NELFCD: variants seen among roughly 807,000 people sequenced by gnomAD.
The protein encoded by NELFCD is negative elongation factor complex member C/D.
Under a neutral mutation model 72.9 loss-of-function variants are expected in NELFCD, and 48 were observed. The observed-to-expected ratio is 0.66, with a 90% CI of 0.52 to 0.84. The LOEUF is 0.84. Ranked by LOEUF, NELFCD falls within the 40% of genes least tolerant of loss-of-function variation. The probability of loss-of-function intolerance (pLI) is 0.00; values close to 1 mark genes in which losing one functional copy is unlikely to be tolerated. For missense variants in NELFCD, 538 were observed against 723.8 expected, an observed-to-expected ratio of 0.74 and a Z score of 2.94; for synonymous variants, 297 against 280.6, an observed-to-expected ratio of 1.06 and a Z score of -0.59.
chr20:58,994,567 A>G (rs1327947382), intron 14 of NELFCD, 75 bp from the exon 15 acceptor site: 3 of 1,204,024 alleles, frequency 2.5e-6, no homozygotes, highest in Non-Finnish European at 3.5e-6. Context: ...CATCTCAAAA[A>G]AAAAAAAAAA....
Position 58,983,435 on chromosome 20 carries a change from C to CT in NELFCD, c.60+2084dup, listed in dbSNP as rs1280267450. Reference sequence around the variant, plus strand: ...ACAGGCGTGAGCCACCGCACCCGGCCTTTTTTTTTTTTTTTTTTCTTTGAG... The same window carrying CT: ...ACAGGCGTGAGCCACCGCACCCGGCCTTTTTTTTTTTTTTTTTTTCTTTGAG... On this transcript the variant is annotated intron_variant, in intron 1 of 14. Coordinates refer to ENST00000652272, the MANE Select transcript of NELFCD (RefSeq NM_198976.4). Among the ~76,000 whole-genome samples the CT allele has an allele frequency of 3.5e-3, 452 of 128,898 alleles. 5 individuals carry two copies. Among genetic ancestry groups the CT allele is most frequent in the Middle Eastern group, 0.01 (2 of 194 alleles). 84.6% of individuals were successfully genotyped at this position (128,898 alleles called of 152,430 possible).
intron 1 of NELFCD, among the ~76,000 whole-genome samples, chr20:58,982,541 A>C (rs1484084441): frequency 6.6e-6 from 1 of 152,198 alleles, no homozygotes; most frequent in Non-Finnish European, 1.5e-5. Flanking sequence ...TAAAGGATGA[A>C]GTGGGGCTTA....
Position 58,986,013 on chromosome 20 carries a change from C to T in NELFCD, c.61-80C>T. Reference sequence around the variant, plus strand: ...GTGTGTAGAATACTTTCAAAATGGGCAGCATTATACGATTTAAGGTGAGAT... The same window carrying T: ...GTGTGTAGAATACTTTCAAAATGGGTAGCATTATACGATTTAAGGTGAGAT... On this transcript the variant is annotated intron_variant, in intron 1 of 14. Transcript: ENST00000652272. The surrounding 1 kb of genome is among the most constrained non-coding windows in gnomAD (Gnocchi z 4.4). The T allele has an allele frequency of 1.1e-6, 1 of 909,648 alleles. No individual in the cohort carries two copies. Among genetic ancestry groups the T allele is most frequent in the South Asian group, 1.3e-5 (1 of 75,530 alleles). The allele number at this position is 909,648 out of a possible 1,614,324, so 56.3% of individuals were successfully genotyped here. A position where few individuals can be genotyped will look rare whatever the true frequency, so the allele number is the denominator to read the frequency against.
intron 1 of NELFCD, 146 bp from the exon 2 acceptor site, chr20:58,985,947 G>T: frequency 1.5e-6 from 1 of 648,970 alleles, no homozygotes; most frequent in Admixed American, 2.3e-5. Context: ...TATCTGTCCA[G>T]CCCATTTCAT....
Position 58,994,779 on chromosome 20 carries a change from G to C in NELFCD, c.*103G>C, listed in dbSNP as rs1355625222. ...GAGGCTCGGGCAGCGTCTTGAAAAT[G>C]GGCACCGCTGGGAGGAGGTGGATGA... On this transcript the variant is annotated 3_prime_UTR_variant, in exon 15 of 15. Coordinates refer to ENST00000652272, the MANE Select transcript of NELFCD (RefSeq NM_198976.4). The C allele has an allele frequency of 1.9e-5, 17 of 903,736 alleles. No homozygotes were observed. The highest frequency in any genetic ancestry group is 2.9e-5 in the Non-Finnish European group (16 of 552,174). The allele number at this position is 903,736 out of a possible 1,614,324, so 56.0% of individuals were successfully genotyped here. A position where few individuals can be genotyped will look rare whatever the true frequency, so the allele number is the denominator to read the frequency against.
rs1487129751 is a variant in NELFCD at position 58,991,376 on chromosome 20, A to G, written c.1019A>G (p.Asn340Ser). 6.2e-7 allele frequency: 1 copy of G among 1,614,280 alleles called. No homozygotes were observed. The highest frequency in any genetic ancestry group is 1.1e-5 in the South Asian group (1 of 91,088). ...CTCTTTAAACCAGGGGCTCGGATCA[A>G]CCAGGACCACAAGCACAAATACATC... ...QSLFKPGARI[N>S]QDHKHKYIHI... The change falls in exon 9 of 15, where the codon AAC becomes AGC. Residue 340 changes from asparagine (N) to serine (S), a missense_variant. Physicochemically the swap from Asn to Ser is conservative, Grantham distance 46. Coordinates refer to ENST00000652272, the MANE Select transcript of NELFCD (RefSeq NM_198976.4).
In NELFCD at chr20:58,986,470, G is replaced by C. The variant is rs163780; in HGVS notation, c.176+262G>C. The C allele has an allele frequency of 0.63, 345,208 of 544,982 alleles. 110,496 individuals are homozygous for C. Among genetic ancestry groups the C allele is most frequent in the East Asian group, 0.81 (24,740 of 30,730 alleles). 33.8% of individuals were successfully genotyped at this position (544,982 alleles called of 1,614,324 possible). On this transcript the variant is annotated intron_variant, in intron 2 of 14. Coordinates refer to ENST00000652272, the MANE Select transcript of NELFCD (RefSeq NM_198976.4). The surrounding 1 kb of genome is among the most constrained non-coding windows in gnomAD (Gnocchi z 4.4). ...AGTTCTCCCACCTCAGCCTTGCAAG[G>C]TGGCCACCACAGGCGTCTGCCATCA... is the stretch of plus-strand genomic sequence containing the variant.
At chr20:58,991,260 G>A in intron 8 of NELFCD, 52 bp from the exon 9 acceptor site, 1 of 1,610,730 alleles carries the variant, frequency 6.2e-7, no homozygotes, top group Non-Finnish European at 8.5e-7. Flanking sequence ...GGAGGTGGGT[G>A]AGCAGTGCCC....
At position 58,994,638 on chromosome 20, in the gene NELFCD, A is replaced by G; in HGVS notation, c.1712-4A>G. On this transcript the variant is annotated splice_region_variant and splice_polypyrimidine_tract_variant and intron_variant, in intron 14 of 14. Transcript: ENST00000652272. ...TAACACAGTCACTGTTTTCCTCGTT[A>G]AAGCTCACTGCAAATCTAACTTCAT... 1 of 1,607,186 alleles carries G rather than the reference A, an allele frequency of 6.2e-7. No individual in the cohort carries two copies. Among genetic ancestry groups the G allele is most frequent in the Non-Finnish European group, 8.5e-7 (1 of 1,173,922 alleles).
At chr20:58,990,486 G>A (rs2091807827) in intron 7 of NELFCD, 1 of 175,290 alleles carries the variant, frequency 5.7e-6, no homozygotes, top group Admixed American at 5.6e-5. Context: ...TGGAGAGCTG[G>A]CTTTCTAAAG....
At position 58,994,352 on chromosome 20, in the gene NELFCD, T is replaced by C. The variant is rs527508928; in HGVS notation, c.1711+113T>C. On this transcript the variant is annotated intron_variant, in intron 14 of 14. Transcript: ENST00000652272. The stretch of plus-strand genomic sequence containing the variant: ...GCCAAGGTGGGTGGATCACCTGAGG[T>C]TGGGAGTTCAAGACCAGCCCGACCA... 5 of 1,158,154 alleles carry C rather than the reference T, an allele frequency of 4.3e-6. No homozygotes were observed. The East Asian group carries it at 9.7e-5, about 22-fold the overall frequency. The allele number at this position is 1,158,154 out of a possible 1,614,324, so 71.7% of individuals were successfully genotyped here.
At chr20:58,985,685 A>G (rs1467422495) in intron 1 of NELFCD, among the ~76,000 whole-genome samples, 1 of 152,326 alleles carries the variant, frequency 6.6e-6, no homozygotes, top group East Asian at 1.9e-4. Flanking sequence ...AACAATAATA[A>G]TAATAGTTTA....
chr20:58,993,222 AAT>A lies in NELFCD; in HGVS notation c.1344+112_1344+113del. 2 of 933,454 alleles carry A rather than the reference AAT, an allele frequency of 2.1e-6. No homozygotes were observed. The highest frequency in any genetic ancestry group is 3.4e-6 in the Non-Finnish European group (2 of 592,630). The allele number at this position is 933,454 out of a possible 1,614,324, so 57.8% of individuals were successfully genotyped here. On this transcript the variant is annotated intron_variant, in intron 11 of 14. Coordinates refer to ENST00000652272, the MANE Select transcript of NELFCD (RefSeq NM_198976.4). This position sits in a 1 kb window ranked among gnomAD's most constrained non-coding sequence, Gnocchi z 5.0. ...GAGTTTAGAGGATACTCTTCTCAAA[AAT>A]AGTTATTTCTGTCCTGAGGATTTTC... is the stretch of plus-strand genomic sequence containing the variant.
In NELFCD at chr20:58,993,345, C is replaced by A; in HGVS notation, c.1345-104C>A. On this transcript the variant is annotated intron_variant, in intron 11 of 14. Transcript: ENST00000652272. The surrounding 1 kb of genome is among the most constrained non-coding windows in gnomAD (Gnocchi z 5.0). ...GCCCTGGCTTAGGTGTCAGGACCTT[C>A]TTCCACAGTGATAAGCTCTTTGGTG... is the stretch of plus-strand genomic sequence containing the variant. The A allele has an allele frequency of 1.7e-6, 2 of 1,159,202 alleles. No homozygotes were observed. Among genetic ancestry groups the A allele is most frequent in the Middle Eastern group, 2.9e-4 (1 of 3,432 alleles). The allele number at this position is 1,159,202 out of a possible 1,614,324, so 71.8% of individuals were successfully genotyped here. A position where few individuals can be genotyped will look rare whatever the true frequency, so the allele number is the denominator to read the frequency against.
Position 58,986,536 on chromosome 20 carries a change from G to A in NELFCD, c.177-218G>A. On this transcript the variant is annotated intron_variant, in intron 2 of 14. Transcript: ENST00000652272. The surrounding 1 kb of genome is among the most constrained non-coding windows in gnomAD (Gnocchi z 4.4). ...GTTTTTGTTTTTTGGGAGAGACAGG[G>A]CTCCTTACGTTGCCCTGGCTGCTCT... 1.8e-6 allele frequency: 1 copy of A among 570,688 alleles called. No individual in the cohort carries two copies. Among genetic ancestry groups the A allele is most frequent in the Non-Finnish European group, 3.1e-6 (1 of 325,736 alleles). 35.4% of individuals were successfully genotyped at this position (570,688 alleles called of 1,614,324 possible). A position where few individuals can be genotyped will look rare whatever the true frequency, so the allele number is the denominator to read the frequency against.
chr20:58,989,913 T>C lies in NELFCD; in HGVS notation c.713T>C (p.Val238Ala). 2 of 1,614,222 alleles carry C rather than the reference T, an allele frequency of 1.2e-6. No homozygotes were observed. The highest frequency in any genetic ancestry group is 8.5e-7 in the Non-Finnish European group (1 of 1,180,042). ...TYLFAQAMMS[V>A]LAQEEQGGSA... ...CTGTTTGCCCAGGCCATGATGTCCG[T>C]GCTGGCCCAGGAGGAGCAGGGGGGC... Residue 238 changes from valine (V) to alanine (A), a missense_variant, in exon 7 of 15, where the codon GTG (valine) becomes GCG (alanine). By Grantham distance (64) the Val-to-Ala change is moderately conservative. Transcript: ENST00000652272.
chr20:58,986,332 G>A lies in NELFCD; in HGVS notation c.176+124G>A. ...CGAACTGAACTAAAGGCTTCAAGGG[G>A]GGGTCCCCTCTGCCACTTTTTTTTT... On this transcript the variant is annotated intron_variant, in intron 2 of 14. Coordinates refer to ENST00000652272, the MANE Select transcript of NELFCD (RefSeq NM_198976.4). The surrounding 1 kb of genome is among the most constrained non-coding windows in gnomAD (Gnocchi z 4.4). The A allele has an allele frequency of 4.6e-6, 3 of 658,122 alleles. No homozygotes were observed. The highest frequency in any genetic ancestry group is 1.8e-5 in the African/African-American group (1 of 54,240). 40.8% of individuals were successfully genotyped at this position (658,122 alleles called of 1,614,324 possible).
intron 1 of NELFCD, among the ~76,000 whole-genome samples, chr20:58,983,142 T>C (rs2091748330): frequency 6.7e-6 from 1 of 149,822 alleles, no homozygotes; most frequent in African/African-American, 2.4e-5. Context: ...TTTTTTTCTT[T>C]TTTTTTTTTT....
intron 1 of NELFCD, among the ~76,000 whole-genome samples, chr20:58,984,857 A>C (rs1301878359): frequency 6.6e-6 from 1 of 152,160 alleles, no homozygotes; most frequent in Non-Finnish European, 1.5e-5. Context: ...GCCCAAGAGA[A>C]CAGACAACGT....
Sources: gnomAD v4.1 joint callset for allele counts (sites outside exome capture counted in the v4.1 genomes callset) on GRCh38, gnomAD v4.1.1 for gene constraint, Gnocchi (gnomAD v3.1) non-coding constraint, MANE v1.5 for transcripts, NCBI Gene and HGNC (gene_info 2026-07-23, HGNC 2026-07-21) for gene names.